SDK1: variants seen among roughly 807,000 people sequenced by gnomAD.
SDK1 encodes the protein sidekick cell adhesion molecule 1, also known as protein sidekick-1.
A neutral mutation model predicts 245.5 loss-of-function variants in SDK1; 157 were observed. The observed-to-expected ratio is 0.64, with a 90% CI of 0.56 to 0.73. The LOEUF (loss-of-function observed/expected upper bound fraction) is 0.73, where lower values mean the gene tolerates loss of function less well. Ranked by LOEUF, SDK1 falls within the 30% of genes least tolerant of loss-of-function variation. The pLI is 0.00. For missense variants in SDK1, 3,583 were observed against 3,002.3 expected (o/e 1.19, Z -4.52); for synonymous variants, 1,647 against 1,278.5 (o/e 1.29, Z -6.15).
chr7:4,115,017 G>A (rs1225439675), intron 25 of SDK1, among the ~76,000 whole-genome samples: 1 of 152,208 alleles, frequency 6.6e-6, no homozygotes, highest in Non-Finnish European at 1.5e-5. Flanking sequence ...GCTGAAAGTG[G>A]CTGCCTAATC....
intron 4 of SDK1, among the ~76,000 whole-genome samples, chr7:3,683,392 CAGGG>C (rs922203741): frequency 1.3e-5 from 2 of 152,188 alleles, no homozygotes; most frequent in Admixed American, 1.3e-4. Context: ...AGGAAGCAGA[CAGGG>C]AGATTTTTGA....
chr7:4,253,779 T>G (rs1787458350), intron 44 of SDK1, among the ~76,000 whole-genome samples: 1 of 152,212 alleles, frequency 6.6e-6, no homozygotes. Flanking sequence ...TCATTTAATT[T>G]CATGTATTTT....
At chr7:3,611,843 T>G (rs1014110307) in intron 1 of SDK1, among the ~76,000 whole-genome samples, 11 of 151,980 alleles carry the variant, frequency 7.2e-5, no homozygotes, top group African/African-American at 2.4e-4. Context: ...ATTGTGGTGA[T>G]GGGGTGAAAA....
At chr7:4,060,191 T>C (rs1341517507) in intron 19 of SDK1, among the ~76,000 whole-genome samples, 5 of 152,010 alleles carry the variant, frequency 3.3e-5, no homozygotes, top group Non-Finnish European at 1.5e-5. Context: ...AGAAATTTCT[T>C]GAAACAAATG....
chr7:3,549,305 T>A (rs918555286), intron 1 of SDK1, among the ~76,000 whole-genome samples: 1 of 152,248 alleles, frequency 6.6e-6, no homozygotes, highest in Non-Finnish European at 1.5e-5. Flanking sequence ...TGACACAGTA[T>A]TATTTATTTT....
chr7:3,804,533 T>C (rs752957794), intron 4 of SDK1, among the ~76,000 whole-genome samples: 5 of 152,228 alleles, frequency 3.3e-5, no homozygotes, highest in African/African-American at 9.6e-5. Flanking sequence ...TTTTTCAAAA[T>C]TGTTTTTGCT....
chr7:3,585,688 C>T lies in SDK1; in HGVS notation c.299-33392C>T, dbSNP rs181966129. On this transcript the variant is annotated intron_variant, in intron 1 of 44. Coordinates refer to ENST00000404826, the MANE Select transcript of SDK1 (RefSeq NM_152744.4). ...GGTGTGCTGAGGTGGCTCTGAGAGACGGGAGTTTGGTAGGGGAGGGAAGAA... is the reference window on the plus strand; with the variant it reads ...GGTGTGCTGAGGTGGCTCTGAGAGATGGGAGTTTGGTAGGGGAGGGAAGAA... 2.5e-3 allele frequency among the ~76,000 whole-genome samples: 377 copies of T among 152,060 alleles called. 3 individuals carry two copies. Among genetic ancestry groups the T allele is most frequent in the South Asian group, 0.018 (86 of 4,820 alleles).
intron 1 of SDK1, among the ~76,000 whole-genome samples, chr7:3,590,464 C>T (rs1198870350): frequency 1.3e-5 from 2 of 152,122 alleles, no homozygotes; most frequent in African/African-American, 4.8e-5. Flanking sequence ...ACTATACCAA[C>T]AAGTGAATTG....
intron 1 of SDK1, among the ~76,000 whole-genome samples, chr7:3,404,391 C>G (rs1562466591): frequency 6.6e-6 from 1 of 152,090 alleles, no homozygotes; most frequent in Non-Finnish European, 1.5e-5. Flanking sequence ...TAATTTACCT[C>G]TTTTTTGTAT....
At chr7:3,613,670 A>G (rs192668672) in intron 1 of SDK1, among the ~76,000 whole-genome samples, 54 of 152,312 alleles carry the variant, frequency 3.5e-4, no homozygotes, top group Middle Eastern at 6.8e-3. Flanking sequence ...AAATCGTTCT[A>G]TTATAGAGAC....
intron 5 of SDK1, among the ~76,000 whole-genome samples, chr7:3,831,887 CA>C: frequency 6.6e-6 from 1 of 151,318 alleles, no homozygotes; most frequent in Non-Finnish European, 1.5e-5. Flanking sequence ...TCTTTAACAA[CA>C]AAAACAAAAA....
At position 4,002,304 on chromosome 7, in the gene SDK1, A is replaced by C. The variant is rs200322406; in HGVS notation, c.2132-8662A>C. Among the ~76,000 whole-genome samples the C allele has an allele frequency of 3.3e-5, 5 of 152,182 alleles. No individual in the cohort carries two copies. The East Asian group carries it at 9.6e-4, about 29-fold the overall frequency. On this transcript the variant is annotated intron_variant, in intron 14 of 44. Transcript: ENST00000404826. ...TGGGTTCCGAAGCCTCACCCCAAGC[A>C]GTTTAACTGCATGGAGGCTGAAATT...
intron 1 of SDK1, among the ~76,000 whole-genome samples, chr7:3,610,912 G>T (rs1170910790): frequency 6.6e-6 from 1 of 152,212 alleles, no homozygotes; most frequent in Non-Finnish European, 1.5e-5. Flanking sequence ...AAATTACTTG[G>T]AGAAAATCCC....
chr7:3,480,339 G>A (rs746893753), intron 1 of SDK1, among the ~76,000 whole-genome samples: 3 of 152,168 alleles, frequency 2.0e-5, no homozygotes, highest in African/African-American at 4.8e-5. Context: ...TGAAGAAGGC[G>A]CCCTCGTGCA....
At chr7:4,002,783 C>A (rs1033327462) in intron 14 of SDK1, among the ~76,000 whole-genome samples, 21 of 152,096 alleles carry the variant, frequency 1.4e-4, no homozygotes, top group African/African-American at 5.1e-4. Context: ...AGGGGTGGAT[C>A]CAGGTTTTGT....
At chr7:3,503,851 G>C (rs1255119746) in intron 1 of SDK1, among the ~76,000 whole-genome samples, 1 of 151,834 alleles carries the variant, frequency 6.6e-6, no homozygotes, top group Non-Finnish European at 1.5e-5. Context: ...ACTTAATAAT[G>C]TTAAAATATG....
At chr7:3,357,184 C>T (rs1176513460) in intron 1 of SDK1, among the ~76,000 whole-genome samples, 3 of 151,596 alleles carry the variant, frequency 2.0e-5, no homozygotes, top group East Asian at 3.9e-4. Flanking sequence ...CTTTTGGAAT[C>T]ATGTGTTTGT....
chr7:3,332,426 A>G (rs1780091746), intron 1 of SDK1, among the ~76,000 whole-genome samples: 1 of 152,138 alleles, frequency 6.6e-6, no homozygotes, highest in Admixed American at 6.5e-5. Flanking sequence ...GTGAAAAGGG[A>G]TATGGTTCAA....
In SDK1 at chr7:3,974,464, G is replaced by T. The variant is rs868055853; in HGVS notation, c.1913G>T (p.Trp638Leu). 1 of 1,614,040 alleles carries T rather than the reference G, an allele frequency of 6.2e-7. No individual in the cohort carries two copies. Among genetic ancestry groups the T allele is most frequent in the Non-Finnish European group, 8.5e-7 (1 of 1,179,914 alleles). ...GGGTCCCTTCTCATCAGCCAGACGTGGTCAGGCGACATCGGTGACTACAGC... is the reference window on the plus strand; with the variant it reads ...GGGTCCCTTCTCATCAGCCAGACGTTGTCAGGCGACATCGGTGACTACAGC... ...KDGSLLISQT[W>L]SGDIGDYSCE... The change falls in exon 13 of 45, where the codon TGG becomes TTG. Residue 638 changes from tryptophan (W) to leucine (L), a missense_variant. Physicochemically the swap from Trp to Leu is moderately conservative, Grantham distance 61. Coordinates refer to ENST00000404826, the MANE Select transcript of SDK1 (RefSeq NM_152744.4).
Sources: gnomAD v4.1 joint callset for allele counts (sites outside exome capture counted in the v4.1 genomes callset) on GRCh38, gnomAD v4.1.1 for gene constraint, MANE v1.5 for transcripts, NCBI Gene and HGNC (gene_info 2026-07-23, HGNC 2026-07-21) for gene names.